GRAMD1B: variants seen among roughly 807,000 people sequenced by gnomAD.
The protein encoded by GRAMD1B is GRAM domain containing 1B, also known as protein Aster-B.
GRAMD1B carries 37 observed loss-of-function variants against 99.7 expected under a neutral mutation model. That is an observed-to-expected ratio of 0.37 (90% CI 0.29 to 0.49). The LOEUF (loss-of-function observed/expected upper bound fraction) is 0.49, where lower values mean the gene tolerates loss of function less well. Ranked by LOEUF, GRAMD1B falls within the 20% of genes least tolerant of loss-of-function variation. The pLI is 0.98. For synonymous variants in GRAMD1B, 427 were observed against 387.6 expected, an observed-to-expected ratio of 1.10 and a Z score of -1.19; for missense variants, 888 against 1,009.2, an observed-to-expected ratio of 0.88 and a Z score of 1.63.
At chr11:123,461,255 G>A (rs1393004611) in intron 1 of GRAMD1B, among the ~76,000 whole-genome samples, 1 of 152,194 alleles carries the variant, frequency 6.6e-6, no homozygotes, top group Non-Finnish European at 1.5e-5. Flanking sequence ...CTCCAGGTTG[G>A]CTCCTAAATC....
intron 2 of GRAMD1B, among the ~76,000 whole-genome samples, 162 bp from the exon 3 acceptor site, chr11:123,577,205 C>T (rs1403797371): frequency 1.3e-5 from 2 of 152,242 alleles, no homozygotes; most frequent in Non-Finnish European, 2.9e-5. Flanking sequence ...TACGGTGCGG[C>T]AAGCCGCAGC....
chr11:123,457,957 C>A (rs1189659849), intron 1 of GRAMD1B, among the ~76,000 whole-genome samples: 1 of 152,194 alleles, frequency 6.6e-6, no homozygotes, highest in African/African-American at 2.4e-5. Context: ...CTCAAGGAAT[C>A]CTCCTGCCTC....
chr11:123,600,569 T>C, intron 8 of GRAMD1B, 21 bp downstream of exon 8: 1 of 1,535,914 alleles, frequency 6.5e-7, no homozygotes, highest in Non-Finnish European at 9.0e-7. Flanking sequence ...CCGAGTTTGC[T>C]TTTACTGTGG....
intron 3 of GRAMD1B, among the ~76,000 whole-genome samples, chr11:123,580,847 A>T (rs993054747): frequency 7.0e-6 from 1 of 142,880 alleles, no homozygotes; most frequent in Non-Finnish European, 1.5e-5. Context: ...ACACCTCCCC[A>T]CCGCGGTGCG....
At chr11:123,500,829 A>G (rs913119686) in intron 2 of GRAMD1B, among the ~76,000 whole-genome samples, 1 of 151,318 alleles carries the variant, frequency 6.6e-6, no homozygotes, top group African/African-American at 2.4e-5. Context: ...ACACACCACC[A>G]CTCCTGGCTA....
chr11:123,606,787 C>T lies in GRAMD1B; in HGVS notation c.1502C>T (p.Thr501Ile). The T allele has an allele frequency of 1.2e-6, 2 of 1,613,522 alleles. No individual in the cohort carries two copies. Among genetic ancestry groups the T allele is most frequent in the Non-Finnish European group, 1.7e-6 (2 of 1,179,596 alleles). ...ACTGAGCTCAGTGACTCTTCCGACACACACGATGAAGGTGGGCATTTGAAA... is the reference window on the plus strand; with the variant it reads ...ACTGAGCTCAGTGACTCTTCCGACATACACGATGAAGGTGGGCATTTGAAA... ...IPTELSDSSD[T>I]HDEGEVQAFY... Residue 501 changes from threonine (T) to isoleucine (I), a missense_variant, in exon 11 of 20, where the codon ACA (threonine) becomes ATA (isoleucine). Around this residue, in one of 5 missense-constraint regions of GRAMD1B, gnomAD observed 269 missense variants for 296.6 expected, o/e 0.91. Transcript: ENST00000635736.
chr11:123,619,387 T>G, intron 19 of GRAMD1B, 163 bp downstream of exon 19: 1 of 1,493,770 alleles, frequency 6.7e-7, no homozygotes, highest in South Asian at 1.2e-5. Context: ...AAGCCTTCCT[T>G]GAGTGGGCTG....
At chr11:123,542,817 T>C (rs144426259) in intron 2 of GRAMD1B, among the ~76,000 whole-genome samples, 172 of 152,194 alleles carry the variant, frequency 1.1e-3, no homozygotes, top group East Asian at 6.6e-3. Context: ...CATGCCCGGC[T>C]AATTTTTTGT....
At chr11:123,503,091 T>A (rs1565305728) in intron 2 of GRAMD1B, among the ~76,000 whole-genome samples, 1 of 152,188 alleles carries the variant, frequency 6.6e-6, no homozygotes, top group Non-Finnish European at 1.5e-5. Context: ...AAGTCAGGGA[T>A]TGTTTGTACT....
chr11:123,500,380 T>G (rs759432510), intron 2 of GRAMD1B, among the ~76,000 whole-genome samples: 2 of 152,160 alleles, frequency 1.3e-5, no homozygotes, highest in Non-Finnish European at 2.9e-5. Context: ...AAGCAGAGAC[T>G]CAAGAGGTCC....
chr11:123,494,862 C>A (rs1375805980), intron 2 of GRAMD1B, among the ~76,000 whole-genome samples: 1 of 152,136 alleles, frequency 6.6e-6, no homozygotes, highest in Non-Finnish European at 1.5e-5. Flanking sequence ...CGATCTTAGG[C>A]TTGTCCTGCT....
intron 1 of GRAMD1B, among the ~76,000 whole-genome samples, chr11:123,417,064 G>C (rs1199853557): frequency 6.6e-6 from 1 of 152,176 alleles, no homozygotes; most frequent in Non-Finnish European, 1.5e-5. Flanking sequence ...ATCTCAAACA[G>C]GTCATGTGAC....
chr11:123,462,890 T>TAAAAAAAAAAAAA (rs55643501), intron 1 of GRAMD1B, among the ~76,000 whole-genome samples: 36 of 123,050 alleles, frequency 2.9e-4, no homozygotes, highest in African/African-American at 7.7e-4. Flanking sequence ...AAAAAATAAA[T>TAAAAAAAAAAAAA]TAAAAAAAAA....
intron 2 of GRAMD1B, among the ~76,000 whole-genome samples, chr11:123,483,992 A>G (rs1951750773): frequency 6.6e-6 from 1 of 152,326 alleles, no homozygotes; most frequent in East Asian, 1.9e-4. Context: ...TCTTGTCAAG[A>G]TGCTTAATCA....
At chr11:123,527,237 A>G (rs969195643) in intron 2 of GRAMD1B, among the ~76,000 whole-genome samples, 1 of 152,076 alleles carries the variant, frequency 6.6e-6, no homozygotes, top group Non-Finnish European at 1.5e-5. Flanking sequence ...AGAGTCAGGG[A>G]TGGGTGTTGA....
intron 1 of GRAMD1B, among the ~76,000 whole-genome samples, chr11:123,389,852 T>G (rs1273814040): frequency 6.6e-6 from 1 of 152,046 alleles, no homozygotes; most frequent in Non-Finnish European, 1.5e-5. Flanking sequence ...TTCAAGCGAT[T>G]CTTGTGCCTC....
chr11:123,386,015 T>G (rs963615891), intron 1 of GRAMD1B, among the ~76,000 whole-genome samples: 3 of 152,178 alleles, frequency 2.0e-5, no homozygotes, highest in African/African-American at 7.2e-5. Flanking sequence ...TACTCTAGAA[T>G]AAGAGAACAT....
intron 4 of GRAMD1B, among the ~76,000 whole-genome samples, chr11:123,589,637 T>TATATATATATATATATATATATATATATA (rs1565424189): frequency 6.1e-5 from 9 of 147,372 alleles, no homozygotes; most frequent in African/African-American, 2.3e-4. Flanking sequence ...TATATATATA[T>TATATATATATATATATATATATATATATA]TTGTAGTAGA....
Position 123,583,394 on chromosome 11 carries a change from G to GTGTGCA in GRAMD1B, c.664-918_664-917insTGTGCA, listed in dbSNP as rs1491248453. Among the ~76,000 whole-genome samples the GTGTGCA allele has an allele frequency of 3.9e-3, 190 of 48,768 alleles. 2 individuals carry two copies. In the South Asian group the frequency reaches 0.17, roughly 43 times the overall value. The allele number at this position is 48,768 out of a possible 152,430, so 32.0% of individuals were successfully genotyped here. A position where few individuals can be genotyped will look rare whatever the true frequency, so the allele number is the denominator to read the frequency against. ...GTGCACGTGTGTGGTGTGTATGTGT[G>GTGTGCA]CGTGTGTGTGTGTGTCTGTGTATAT... is the stretch of plus-strand genomic sequence containing the variant. On this transcript the variant is annotated intron_variant, in intron 3 of 19. Transcript: ENST00000635736.
Sources: gnomAD v4.1 joint callset for allele counts (sites outside exome capture counted in the v4.1 genomes callset) on GRCh38, gnomAD v4.1.1 for gene constraint, gnomAD v4.1.1 regional missense constraint, MANE v1.5 for transcripts, NCBI Gene and HGNC (gene_info 2026-07-23, HGNC 2026-07-21) for gene names.